The following DNAJB1 variants were observed in gnomAD, a reference collection of about 807,000 sequenced individuals.
The protein encoded by DNAJB1 is DnaJ heat shock protein family (Hsp40) member B1, also known as dnaJ homolog subfamily B member 1.
A neutral mutation model predicts 24.0 loss-of-function variants in DNAJB1; 14 were observed. The ratio of observed to expected loss-of-function variants is 0.58; its 90% confidence interval spans 0.39 to 0.91. The LOEUF is 0.91. Ranked by LOEUF, DNAJB1 falls within the 40% of genes least tolerant of loss-of-function variation. The pLI, the probability that DNAJB1 is intolerant of heterozygous loss-of-function variation, is 0.00. For missense variants in DNAJB1, 517 were observed against 458.1 expected (o/e 1.13, Z -1.17); for synonymous variants, 262 against 174.4 (o/e 1.50, Z -3.96).
intron 1 of DNAJB1, 62 bp from the exon 2 acceptor site, chr19:14,517,108 T>G: frequency 6.6e-7 from 1 of 1,521,386 alleles, no homozygotes; most frequent in South Asian, 1.2e-5. Flanking sequence ...CGAGCTTCCC[T>G]TACAGGGGGA....
At position 14,518,391 on chromosome 19, in the gene DNAJB1, C is replaced by T. The variant is rs758066314; in HGVS notation, c.-42G>A. Reference sequence around the variant, plus strand: ...CCGCCGACCCGCTGTCGCCGTCCCCCGGCTCCGCCGCCGACCAGTCCCGGA... The same window carrying T: ...CCGCCGACCCGCTGTCGCCGTCCCCTGGCTCCGCCGCCGACCAGTCCCGGA... On this transcript the variant is annotated 5_prime_UTR_variant, in exon 1 of 3. Coordinates refer to ENST00000254322, the MANE Select transcript of DNAJB1 (RefSeq NM_006145.3). 8.6e-6 allele frequency: 13 copies of T among 1,514,588 alleles called. No homozygotes were observed. Among genetic ancestry groups the T allele is most frequent in the East Asian group, 4.7e-5 (2 of 42,374 alleles). The allele number at this position is 1,514,588 out of a possible 1,614,324, so 93.8% of individuals were successfully genotyped here.
intron 2 of DNAJB1, among the ~76,000 whole-genome samples, chr19:14,525,296 A>G (rs1430288569): frequency 1.3e-5 from 2 of 150,874 alleles, no homozygotes; most frequent in East Asian, 1.9e-4. Context: ...AATTTCATCA[A>G]CATAGCAACA....
At chr19:14,519,966 G>C (rs1211775108), upstream of DNAJB1, among the ~76,000 whole-genome samples, 1 of 152,156 alleles carries the variant, frequency 6.6e-6, no homozygotes, top group Admixed American at 6.5e-5. Flanking sequence ...CTGCCTGGGA[G>C]GTCAGAGCCA....
chr19:14,551,308 C>T (rs1051393313), upstream of DNAJB1, among the ~76,000 whole-genome samples: 3 of 152,144 alleles, frequency 2.0e-5, no homozygotes, highest in South Asian at 2.1e-4. Flanking sequence ...CTCCTGACCT[C>T]AGGTGATCCA....
chr19:14,537,625 C>T (rs1057048819), intron 1 of DNAJB1, among the ~76,000 whole-genome samples: 1 of 152,064 alleles, frequency 6.6e-6, no homozygotes, highest in African/African-American at 2.4e-5. Context: ...TTAACACCTT[C>T]TTGCTGATAC....
intron 1 of DNAJB1, among the ~76,000 whole-genome samples, chr19:14,557,514 C>T (rs892750704): frequency 6.8e-5 from 10 of 146,742 alleles, no homozygotes; most frequent in African/African-American, 2.5e-4. Flanking sequence ...TGCAGTGGTG[C>T]GATATCAGCT....
At chr19:14,552,832 G>A (rs1043510423), upstream of DNAJB1, among the ~76,000 whole-genome samples, 4 of 152,050 alleles carry the variant, frequency 2.6e-5, no homozygotes, top group Admixed American at 6.5e-5. Context: ...CACTGCGCCC[G>A]GCCCAGTCTT....
rs373095952 is a variant in DNAJB1 at position 14,516,785 on chromosome 19, T to C, written c.473A>G (p.Lys158Arg). The change falls in exon 2 of 3, where the codon AAG (lysine) becomes AGG (arginine). Residue 158 changes from lysine (K) to arginine (R), a missense_variant. Transcript: ENST00000254322. ...RSRSAQEPAR[K>R]KQDPPVTHDL... ...GTGGGTGACTGGGGGATCTTGCTTC[T>C]TTCGGGCGGGCTCTTGGGCAGAGCG... 3.7e-5 allele frequency: 60 copies of C among 1,613,832 alleles called. No individual in the cohort carries two copies. Among genetic ancestry groups the C allele is most frequent in the Non-Finnish European group, 5.0e-5 (59 of 1,180,020 alleles).
chr19:14,551,872 C>T (rs2073520396), upstream of DNAJB1, among the ~76,000 whole-genome samples: 2 of 150,274 alleles, frequency 1.3e-5, no homozygotes, highest in African/African-American at 4.9e-5. Flanking sequence ...TTATTTCTTC[C>T]TTTCTTCCTC....
chr19:14,527,795 A>G (rs1239216781), exon 2 of DNAJB1: 1 of 152,276 alleles, frequency 6.6e-6, no homozygotes, highest in East Asian at 1.9e-4. Flanking sequence ...AGCTCATGAA[A>G]GCTCAGGGGC....
chr19:14,517,093 T>A lies in DNAJB1; in HGVS notation c.212-47A>T, dbSNP rs202104717. 244 of 1,543,498 alleles carry A rather than the reference T, an allele frequency of 1.6e-4. 1 individual carries two copies. Among genetic ancestry groups the A allele is most frequent in the African/African-American group, 1.3e-3 (95 of 72,980 alleles). On this transcript the variant is annotated intron_variant, in intron 1 of 2. Coordinates refer to ENST00000254322, the MANE Select transcript of DNAJB1 (RefSeq NM_006145.3). ...AGTCAGATGGCTGAACAGCAGACTC[T>A]CTCTCGAGCTTCCCTTACAGGGGGA... is the stretch of plus-strand genomic sequence containing the variant.
In DNAJB1 at chr19:14,516,413, C is replaced by T; in HGVS notation, c.792+53G>A. ...CATTGGTTCAGCAAATACTAAACTG[C>T]TTCAAAAAGCAGCCATCGCCCTCTA... On this transcript the variant is annotated intron_variant, in intron 2 of 2. Coordinates refer to ENST00000254322, the MANE Select transcript of DNAJB1 (RefSeq NM_006145.3). 33 of 1,563,088 alleles carry T rather than the reference C, an allele frequency of 2.1e-5. No homozygotes were observed. In the South Asian group the frequency reaches 3.6e-4, roughly 17 times the overall value.
chr19:14,529,607 C>T (rs772211952), upstream of DNAJB1: 6 of 1,598,882 alleles, frequency 3.8e-6, no homozygotes, highest in African/African-American at 5.4e-5. Flanking sequence ...TAGTCTATCG[C>T]TGCGGTTGCG....
At position 14,517,088 on chromosome 19, in the gene DNAJB1, G is replaced by A. The variant is rs770195935; in HGVS notation, c.212-42C>T. Reference sequence around the variant, plus strand: ...GAAGCAGTCAGATGGCTGAACAGCAGACTCTCTCTCGAGCTTCCCTTACAG... The same window carrying A: ...GAAGCAGTCAGATGGCTGAACAGCAAACTCTCTCTCGAGCTTCCCTTACAG... On this transcript the variant is annotated intron_variant, in intron 1 of 2. Transcript: ENST00000254322. The A allele has an allele frequency of 2.1e-5, 32 of 1,556,734 alleles. No homozygotes were observed. The South Asian group carries it at 2.9e-4, about 14-fold the overall frequency.
At chr19:14,553,113 A>C (rs1568417475), upstream of DNAJB1, among the ~76,000 whole-genome samples, 1 of 152,030 alleles carries the variant, frequency 6.6e-6, no homozygotes, top group Non-Finnish European at 1.5e-5. Context: ...ATCCTCTATG[A>C]ATGGCTGTGG....
chr19:14,559,440 C>T (rs572914187), intron 1 of DNAJB1, among the ~76,000 whole-genome samples: 6 of 152,146 alleles, frequency 3.9e-5, no homozygotes, highest in Middle Eastern at 3.4e-3. Context: ...TGTTTCCTAG[C>T]GTAACTTATT....
chr19:14,538,368 G>C (rs966993401), intron 1 of DNAJB1, among the ~76,000 whole-genome samples: 1 of 152,036 alleles, frequency 6.6e-6, no homozygotes, highest in Non-Finnish European at 1.5e-5. Context: ...GGGGGCCTGT[G>C]GGGGAGTGTG....
intron 1 of DNAJB1, among the ~76,000 whole-genome samples, chr19:14,556,441 G>T (rs911515395): frequency 2.5e-4 from 17 of 67,546 alleles, no homozygotes; most frequent in African/African-American, 1.2e-3. Flanking sequence ...AAACCACATT[G>T]TGACCTCCCC....
upstream of DNAJB1, among the ~76,000 whole-genome samples, chr19:14,551,193 C>A (rs935556590): frequency 1.3e-4 from 19 of 151,990 alleles, no homozygotes; most frequent in African/African-American, 4.3e-4. Context: ...CTGCCTCAGG[C>A]TCCTGAGTAG....
Sources: gnomAD v4.1 joint callset for allele counts (sites outside exome capture counted in the v4.1 genomes callset) on GRCh38, gnomAD v4.1.1 for gene constraint, MANE v1.5 for transcripts, NCBI Gene and HGNC (gene_info 2026-07-23, HGNC 2026-07-21) for gene names.